Variants in IRAG2 observed in about 807,000 individuals in gnomAD.
IRAG2 encodes the protein inositol 1,4,5-triphosphate receptor associated 2, also known as lymphoid restricted membrane protein.
In IRAG2, 45 loss-of-function variants were observed where a neutral mutation model predicts 69.9. The ratio of observed to expected loss-of-function variants is 0.64; its 90% confidence interval spans 0.51 to 0.83. IRAG2 has a LOEUF of 0.83. Ranked by LOEUF, IRAG2 falls within the 40% of genes least tolerant of loss-of-function variation. The pLI, the probability that IRAG2 is intolerant of heterozygous loss-of-function variation, is 0.00. For synonymous variants in IRAG2, 193 were observed against 202.4 expected, an observed-to-expected ratio of 0.95 and a Z score of 0.40; for missense variants, 520 against 587.0, an observed-to-expected ratio of 0.89 and a Z score of 1.18.
At chr12:25,035,029 C>A (rs1944692854) in intron 13 of IRAG2, among the ~76,000 whole-genome samples, 1 of 152,130 alleles carries the variant, frequency 6.6e-6, no homozygotes, top group African/African-American at 2.4e-5. Flanking sequence ...AAGATGCCAG[C>A]CCAGAAAGTT....
chr12:25,061,418 G>C (rs1352427176), intron 1 of IRAG2, among the ~76,000 whole-genome samples, 174 bp from the exon 2 acceptor site: 1 of 152,202 alleles, frequency 6.6e-6, no homozygotes, highest in African/African-American at 2.4e-5. Flanking sequence ...CCAGCTACTT[G>C]GGAGGTTGAA....
At chr12:25,021,101 T>TC in intron 7 of IRAG2, 1 of 330,340 alleles carries the variant, frequency 3.0e-6, no homozygotes, top group Non-Finnish European at 5.4e-6. Flanking sequence ...CTTTTTTTTT[T>TC]TTTCTTTTTT....
intron 5 of IRAG2, 53 bp from the exon 6 acceptor site, chr12:25,069,297 T>G (rs1165893885): frequency 1.2e-6 from 1 of 806,802 alleles, no homozygotes; most frequent in Non-Finnish European, 2.1e-6. Context: ...TAGTATCTGC[T>G]AAGATTTGCA....
Position 25,102,228 on chromosome 12 carries a change from C to T in IRAG2, c.920C>T (p.Ser307Phe), listed in dbSNP as rs891002918. Residue 307 changes from serine (S) to phenylalanine (F), a missense_variant, in exon 17 of 22, where the codon TCT (serine) becomes TTT (phenylalanine). By Grantham distance (155) the Ser-to-Phe change is radical. Coordinates refer to ENST00000556887, the MANE Select transcript of IRAG2 (RefSeq NM_001366544.2). ...DDCQIKKRSA[S>F]LNSKPSSLRR... ...TGCCAAATTAAAAAACGTTCAGCTT[C>T]TCTAAACTCCAAGGTAATTACTAAT... 2 of 1,613,124 alleles carry T rather than the reference C, an allele frequency of 1.2e-6. No homozygotes were observed. The highest frequency in any genetic ancestry group is 1.7e-6 in the Non-Finnish European group (2 of 1,179,360).
At chr12:25,076,762 A>G (rs757683572) in intron 6 of IRAG2, 10 of 249,702 alleles carry the variant, frequency 4.0e-5, no homozygotes, top group Non-Finnish European at 6.4e-5. Context: ...ATTATACTTT[A>G]TTATTATTAA....
At chr12:25,100,825 C>CTT (rs5797118) in intron 15 of IRAG2, 359 of 146,630 alleles carry the variant, frequency 2.4e-3, no homozygotes, top group East Asian at 6.3e-3. Flanking sequence ...TGGACCTAAT[C>CTT]TTTTTTTTTT....
intron 21 of IRAG2, among the ~76,000 whole-genome samples, chr12:25,107,450 A>G (rs1017430773): frequency 1.3e-5 from 2 of 152,212 alleles, no homozygotes; most frequent in African/African-American, 4.8e-5. Context: ...GGACTACTGT[A>G]CACACACATA....
At chr12:25,075,521 C>CATGTGTGTGTGTGTGT (rs750386542) in intron 6 of IRAG2, among the ~76,000 whole-genome samples, 77 of 139,372 alleles carry the variant, frequency 5.5e-4, no homozygotes, top group African/African-American at 1.8e-3. Flanking sequence ...TGTGTGTATG[C>CATGTGTGTGTGTGTGT]GTGTGTGTGT....
intron 5 of IRAG2, among the ~76,000 whole-genome samples, chr12:25,016,502 C>T (rs1261884363): frequency 6.6e-6 from 1 of 152,130 alleles, no homozygotes. Context: ...GAGGCTCATG[C>T]CTGTAATCCC....
At chr12:25,037,865 A>T (rs952809978) in intron 15 of IRAG2, 1 of 396,932 alleles carries the variant, frequency 2.5e-6, no homozygotes, top group African/African-American at 2.1e-5. Context: ...CAGTTTTGGC[A>T]TCCAGTATGC....
At chr12:25,008,079 T>C (rs1944446426) in intron 2 of IRAG2, among the ~76,000 whole-genome samples, 1 of 152,184 alleles carries the variant, frequency 6.6e-6, no homozygotes, top group African/African-American at 2.4e-5. Flanking sequence ...TAGATGGTGT[T>C]ATGTGTTTTC....
intron 4 of IRAG2, among the ~76,000 whole-genome samples, chr12:25,064,087 G>A (rs1428989299): frequency 6.6e-6 from 1 of 152,086 alleles, no homozygotes; most frequent in Non-Finnish European, 1.5e-5. Flanking sequence ...GGTTGCTTGA[G>A]CCCAGGAATT....
Position 25,069,439 on chromosome 12 carries a change from T to A in IRAG2, c.24+8T>A, listed in dbSNP as rs1204340319. 6.2e-7 allele frequency: 1 copy of A among 1,613,608 alleles called. No individual in the cohort carries two copies. Among genetic ancestry groups the A allele is most frequent in the Non-Finnish European group, 8.5e-7 (1 of 1,179,638 alleles). The stretch of plus-strand genomic sequence containing the variant: ...GATGACCCAAGTATGGAAGTGAGTG[T>A]TGGACTGGATTTTGGTTTCATTTTC... On this transcript the variant is annotated splice_region_variant and intron_variant, in intron 6 of 21. Transcript: ENST00000556887.
intron 7 of IRAG2, among the ~76,000 whole-genome samples, chr12:25,022,032 C>A (rs1179690636): frequency 6.6e-6 from 1 of 152,190 alleles, no homozygotes; most frequent in African/African-American, 2.4e-5. Flanking sequence ...TTCCTTCAAG[C>A]TCCGGCTCCA....
chr12:25,076,413 C>T, intron 6 of IRAG2: 1 of 979,972 alleles, frequency 1.0e-6, no homozygotes, highest in Non-Finnish European at 1.2e-6. Context: ...AGGCCTTACA[C>T]AGAGCATTAG....
chr12:25,061,916 A>G (rs977070607), intron 2 of IRAG2, among the ~76,000 whole-genome samples: 21 of 152,322 alleles, frequency 1.4e-4, no homozygotes, highest in East Asian at 3.9e-4. Flanking sequence ...CCCCACCACT[A>G]TATCTATTAG....
At chr12:25,022,150 T>A (rs1350463874) in intron 7 of IRAG2, among the ~76,000 whole-genome samples, 3 of 152,176 alleles carry the variant, frequency 2.0e-5, no homozygotes, top group Non-Finnish European at 2.9e-5. Flanking sequence ...GAGGGATAAA[T>A]GAGCTAGCGC....
rs545914659 is a variant in IRAG2 at position 25,097,166 on chromosome 12, A to G, written c.741+122A>G. The stretch of plus-strand genomic sequence containing the variant: ...AAAATACTTTTGTTGTATAAGACAT[A>G]TGCGTTTAATACATATGTGTTTAAT... On this transcript the variant is annotated intron_variant, in intron 15 of 21. Coordinates refer to ENST00000556887, the MANE Select transcript of IRAG2 (RefSeq NM_001366544.2). 2.9e-5 allele frequency: 25 copies of G among 873,056 alleles called. No homozygotes were observed. In the African/African-American group the frequency reaches 4.3e-4, roughly 15 times the overall value. The allele number at this position is 873,056 out of a possible 1,614,324, so 54.1% of individuals were successfully genotyped here.
upstream of IRAG2, among the ~76,000 whole-genome samples, chr12:25,051,188 A>G (rs1175445125): frequency 6.6e-6 from 1 of 152,210 alleles, no homozygotes; most frequent in Non-Finnish European, 1.5e-5. Context: ...ACGATAAGCT[A>G]TTGAAGGACG....
Sources: gnomAD v4.1 joint callset for allele counts (sites outside exome capture counted in the v4.1 genomes callset) on GRCh38, gnomAD v4.1.1 for gene constraint, MANE v1.5 for transcripts, NCBI Gene and HGNC (gene_info 2026-07-23, HGNC 2026-07-21) for gene names.